Variants in EIPR1 observed in about 807,000 individuals in gnomAD.
EIPR1 encodes the protein EARP complex and GARP complex interacting protein 1.
EIPR1 carries 25 observed loss-of-function variants against 48.1 expected under a neutral mutation model. That is an observed-to-expected ratio of 0.52 (90% CI 0.38 to 0.73). The LOEUF (loss-of-function observed/expected upper bound fraction) is 0.73. EIPR1 is among the 30% of genes least tolerant of loss of function. EIPR1 has a pLI of 0.00. For missense variants in EIPR1, 415 were observed against 506.2 expected (o/e 0.82, Z 1.73); for synonymous variants, 204 against 201.9 (o/e 1.01, Z -0.09).
chr2:3,272,419 C>T (rs921145042), intron 3 of EIPR1, among the ~76,000 whole-genome samples: 6 of 152,176 alleles, frequency 3.9e-5, no homozygotes, highest in African/African-American at 1.2e-4. Context: ...TCATTTCTAG[C>T]TTTTGATTTA....
At position 3,196,958 on chromosome 2, in the gene EIPR1, C is replaced by G; in HGVS notation, c.576G>C (p.Trp192Cys). 1 of 1,613,950 alleles carries G rather than the reference C, an allele frequency of 6.2e-7. No homozygotes were observed. Among genetic ancestry groups the G allele is most frequent in the Non-Finnish European group, 8.5e-7 (1 of 1,180,046 alleles). Residue 192 changes from tryptophan to cysteine, a missense_variant, in exon 6 of 9, where the codon TGG becomes TGC. Transcript: ENST00000382125. ...KGQLKFTSGR[W>C]SPHHNCTQVA... ...CCTGGGTGCAGTTATGATGTGGGCT[C>G]CACCGTCCTGAGGTGAACTTCAGTT...
At chr2:3,254,759 G>T (rs1444830834) in intron 4 of EIPR1, among the ~76,000 whole-genome samples, 1 of 152,242 alleles carries the variant, frequency 6.6e-6, no homozygotes, top group Non-Finnish European at 1.5e-5. Context: ...GGGACCCAGG[G>T]TTGGAGTTGT....
chr2:3,227,466 G>A (rs1666100672), intron 4 of EIPR1, among the ~76,000 whole-genome samples: 1 of 152,214 alleles, frequency 6.6e-6, no homozygotes, highest in African/African-American at 2.4e-5. Flanking sequence ...TTTCTAAGTG[G>A]AAATGCATTC....
intron 1 of EIPR1, among the ~76,000 whole-genome samples, chr2:3,355,505 A>C (rs1670700515): frequency 6.6e-6 from 1 of 152,218 alleles, no homozygotes; most frequent in African/African-American, 2.4e-5. Context: ...TTCAACATTT[A>C]ATCAAAAATA....
chr2:3,197,098 C>A, intron 5 of EIPR1, 81 bp from the exon 6 acceptor site: 1 of 1,459,632 alleles, frequency 6.9e-7, no homozygotes. Flanking sequence ...GAGAGGATAT[C>A]GTATACTCAA....
At chr2:3,271,946 G>A (rs1271711434) in intron 3 of EIPR1, among the ~76,000 whole-genome samples, 5 of 152,222 alleles carry the variant, frequency 3.3e-5, no homozygotes, top group Non-Finnish European at 7.3e-5. Flanking sequence ...GTGTTCTGAA[G>A]TGTTCCCCCT....
At chr2:3,314,296 A>G (rs2103313404) in intron 3 of EIPR1, among the ~76,000 whole-genome samples, 1 of 152,240 alleles carries the variant, frequency 6.6e-6, no homozygotes, top group Middle Eastern at 3.4e-3. Context: ...GCTGCCACTC[A>G]GCCCCCTTTC....
At chr2:3,208,870 T>A (rs1025095966) in intron 5 of EIPR1, 5 of 1,550,230 alleles carry the variant, frequency 3.2e-6, no homozygotes, top group Non-Finnish European at 4.4e-6. Context: ...GACTCCAGTG[T>A]TCCTCTTCCC....
chr2:3,351,932 C>T (rs1375783869), intron 2 of EIPR1, among the ~76,000 whole-genome samples: 2 of 152,252 alleles, frequency 1.3e-5, no homozygotes, highest in Non-Finnish European at 2.9e-5. Flanking sequence ...AAGTCTGGAG[C>T]CATCCCACTC....
At chr2:3,207,833 C>T (rs922805599) in intron 5 of EIPR1, 7 of 152,106 alleles carry the variant, frequency 4.6e-5, no homozygotes, top group Non-Finnish European at 1.0e-4. Flanking sequence ...TGCTAGTGAG[C>T]TCCAATATTT....
chr2:3,236,942 G>A (rs1056647886), intron 4 of EIPR1, among the ~76,000 whole-genome samples: 3 of 152,212 alleles, frequency 2.0e-5, no homozygotes, highest in East Asian at 1.9e-4. Context: ...AACACTATCT[G>A]GTACCTTCAA....
At chr2:3,241,087 TTCC>T (rs1666604410) in intron 4 of EIPR1, among the ~76,000 whole-genome samples, 1 of 110,762 alleles carries the variant, frequency 9.0e-6, no homozygotes. Context: ...CAGCAGACTC[TTCC>T]TAAAGCAAAG....
intron 2 of EIPR1, among the ~76,000 whole-genome samples, chr2:3,339,766 C>G (rs1197087306): frequency 1.3e-5 from 2 of 152,180 alleles, no homozygotes; most frequent in Non-Finnish European, 2.9e-5. Flanking sequence ...CTGACCACCA[C>G]AGTGAAACCC....
chr2:3,282,594 C>G (rs954374574), intron 3 of EIPR1: 17 of 152,272 alleles, frequency 1.1e-4, no homozygotes, highest in South Asian at 6.2e-4. Flanking sequence ...GCGCCGGCTC[C>G]TGGCAGGGTG....
intron 1 of EIPR1, among the ~76,000 whole-genome samples, chr2:3,359,549 G>C (rs938645361): frequency 2.0e-5 from 3 of 152,118 alleles, no homozygotes; most frequent in African/African-American, 7.2e-5. Flanking sequence ...AAAAAAAATG[G>C]AAGTGGAGAA....
chr2:3,375,280 G>A (rs1273534703), intron 1 of EIPR1, among the ~76,000 whole-genome samples: 1 of 150,486 alleles, frequency 6.6e-6, no homozygotes, highest in Non-Finnish European at 1.5e-5. Flanking sequence ...ACCTAATGCT[G>A]AATGACGAGT....
intron 2 of EIPR1, among the ~76,000 whole-genome samples, chr2:3,345,311 A>G (rs1354007054): frequency 2.0e-5 from 3 of 152,142 alleles, no homozygotes; most frequent in Non-Finnish European, 4.4e-5. Context: ...GGGCATAATC[A>G]ATATATTGAG....
chr2:3,189,468 C>A lies in EIPR1; in HGVS notation c.1030G>T (p.Glu344Ter). Residue 344 changes from glutamate (E) to a stop codon, truncating the protein, a stop_gained, in exon 9 of 9, where the codon GAG becomes TAG. Coordinates refer to ENST00000382125, the MANE Select transcript of EIPR1 (RefSeq NM_003310.5). LOFTEE classifies it high-confidence loss of function. This position sits in a 1 kb window ranked among gnomAD's most constrained non-coding sequence, Gnocchi z 4.6. ...GCATAGACGCTGTCCTCGTGCTCCT[C>A]GTAGGTGGCGATCACGTTGTCCTGC... ...PLQDNVIATY[E>*]EHEDSVYAVD... 2 of 1,573,284 alleles carry A rather than the reference C, an allele frequency of 1.3e-6. No homozygotes were observed. Among genetic ancestry groups the A allele is most frequent in the Middle Eastern group, 1.7e-4 (1 of 5,976 alleles).
intron 1 of EIPR1, among the ~76,000 whole-genome samples, chr2:3,365,607 G>C (rs1670953041): frequency 6.6e-6 from 1 of 150,648 alleles, no homozygotes; most frequent in Non-Finnish European, 1.5e-5. Flanking sequence ...AAAGGTCTCT[G>C]GTTTTCCTAG....
Sources: allele counts gnomAD v4.1 joint callset (sites outside exome capture counted in the v4.1 genomes callset), GRCh38; gene constraint gnomAD v4.1.1; non-coding constraint Gnocchi (gnomAD v3.1); transcripts MANE v1.5; gene names NCBI Gene and HGNC (gene_info 2026-07-23, HGNC 2026-07-21).